Variants in KCNB2 observed in about 807,000 individuals in gnomAD.
The protein encoded by KCNB2 is potassium voltage-gated channel subfamily B member 2.
A neutral mutation model predicts 61.5 loss-of-function variants in KCNB2; 15 were observed. The ratio of observed to expected loss-of-function variants is 0.24; its 90% CI spans 0.16 to 0.38. The LOEUF (loss-of-function observed/expected upper bound fraction) is 0.38. Among genes scored for constraint, KCNB2 ranks in the 10% least tolerant of loss-of-function variants. The probability of loss-of-function intolerance (pLI) is 1.00; values close to 1 mark genes in which losing one functional copy is unlikely to be tolerated. For missense variants in KCNB2, 828 were observed against 1,125.2 expected (o/e 0.74, Z 3.78); for synonymous variants, 457 against 446.0 (o/e 1.02, Z -0.31).
chr8:72,897,464 C>T (rs1301406470), intron 2 of KCNB2, among the ~76,000 whole-genome samples: 1 of 152,056 alleles, frequency 6.6e-6, no homozygotes, highest in Non-Finnish European at 1.5e-5. Context: ...TAATTATACA[C>T]TGAATATTTC....
intron 2 of KCNB2, among the ~76,000 whole-genome samples, chr8:72,840,245 C>CT (rs1452146178): frequency 6.6e-6 from 1 of 152,078 alleles, no homozygotes; most frequent in African/African-American, 2.4e-5. Context: ...TGAACTCATC[C>CT]TTTTTTGTGG....
chr8:72,937,796 A>G lies in KCNB2; in HGVS notation c.2441A>G (p.Asp814Gly). Reference sequence around the variant, plus strand: ...GAAATAGATACTGGTGACGACGAAGACTTCTTAGAGCTCCCAGGGGCAAGG... The same window carrying G: ...GAAATAGATACTGGTGACGACGAAGGCTTCTTAGAGCTCCCAGGGGCAAGG... ...FTEIDTGDDE[D>G]FLELPGAREE... Residue 814 changes from aspartate to glycine, a missense_variant, in exon 3 of 3, where the codon GAC becomes GGC. Around this residue, in one of 4 missense-constraint regions of KCNB2, gnomAD observed 559 missense variants for 588.4 expected, o/e 0.95. Coordinates refer to ENST00000523207, the MANE Select transcript of KCNB2 (RefSeq NM_004770.3). The G allele has an allele frequency of 6.2e-7, 1 of 1,613,968 alleles. No homozygotes were observed. Among genetic ancestry groups the G allele is most frequent in the Non-Finnish European group, 8.5e-7 (1 of 1,180,002 alleles).
intron 2 of KCNB2, among the ~76,000 whole-genome samples, chr8:72,864,324 A>G (rs1482985274): frequency 3.3e-5 from 5 of 152,198 alleles, no homozygotes; most frequent in Non-Finnish European, 7.4e-5. Flanking sequence ...ATCAAGGAAA[A>G]TATCCACTAA....
chr8:72,763,288 C>T (rs1003898364), intron 2 of KCNB2, among the ~76,000 whole-genome samples: 2 of 151,298 alleles, frequency 1.3e-5, no homozygotes, highest in Non-Finnish European at 2.9e-5. Context: ...CCAACTGACA[C>T]CTAAGAAATC....
intron 2 of KCNB2, among the ~76,000 whole-genome samples, chr8:72,887,474 T>A (rs7016968): frequency 0.067 from 10,130 of 152,128 alleles, 1,107 homozygotes; most frequent in African/African-American, 0.22. Flanking sequence ...TCAGATAAAC[T>A]CTGTACGAGC....
At position 72,625,071 on chromosome 8, in the gene KCNB2, C is replaced by T. The variant is rs527329725; in HGVS notation, c.579+56758C>T. Among the ~76,000 whole-genome samples, 28 of 152,310 alleles carry T rather than the reference C, an allele frequency of 1.8e-4. No individual in the cohort carries two copies. In the South Asian group the frequency reaches 4.3e-3, roughly 24 times the overall value. On this transcript the variant is annotated intron_variant, in intron 2 of 2. Transcript: ENST00000523207. ...GACCCCAGCACCAACCAACAGACACCTTTATAGCAGCCTGGTGAGACACTA... is the reference window on the plus strand; with the variant it reads ...GACCCCAGCACCAACCAACAGACACTTTTATAGCAGCCTGGTGAGACACTA...
chr8:72,846,296 A>G (rs542947183), intron 2 of KCNB2, among the ~76,000 whole-genome samples: 34 of 152,260 alleles, frequency 2.2e-4, no homozygotes, highest in African/African-American at 8.2e-4. Flanking sequence ...ACCACTCCCA[A>G]TGAGATGAAC....
intron 2 of KCNB2, among the ~76,000 whole-genome samples, chr8:72,708,374 C>T (rs941222535): frequency 1.3e-5 from 2 of 152,132 alleles, no homozygotes; most frequent in Non-Finnish European, 2.9e-5. Context: ...GCTAAGCGCT[C>T]GTGGAGGTGA....
At chr8:72,545,779 T>C (rs1424543452) in intron 1 of KCNB2, among the ~76,000 whole-genome samples, 2 of 152,210 alleles carry the variant, frequency 1.3e-5, no homozygotes, top group East Asian at 1.9e-4. Flanking sequence ...GAGTTAGTCC[T>C]CTTGTTCCAG....
rs188951390 is a variant in KCNB2 at position 72,816,385 on chromosome 8, C to A, written c.580-119550C>A. 1.8e-4 allele frequency among the ~76,000 whole-genome samples: 27 copies of A among 152,250 alleles called. No homozygotes were observed. The South Asian group carries it at 5.4e-3, about 30-fold the overall frequency. On this transcript the variant is annotated intron_variant, in intron 2 of 2. Coordinates refer to ENST00000523207, the MANE Select transcript of KCNB2 (RefSeq NM_004770.3). ...AAGCAAGGCTGAGGGACCATCTGAA[C>A]AGATAATGAAATAACTGTGAAAGTT... is the stretch of plus-strand genomic sequence containing the variant.
intron 2 of KCNB2, among the ~76,000 whole-genome samples, chr8:72,713,880 C>T (rs539603851): frequency 7.9e-5 from 12 of 151,864 alleles, no homozygotes; most frequent in African/African-American, 2.2e-4. Context: ...GGAGGAAGTT[C>T]GAAACAATGG....
At chr8:72,837,570 A>T (rs1224981859) in intron 2 of KCNB2, among the ~76,000 whole-genome samples, 2 of 152,344 alleles carry the variant, frequency 1.3e-5, no homozygotes, top group South Asian at 2.1e-4. Flanking sequence ...TATTAATTAC[A>T]TACAGTGAAA....
At chr8:72,583,960 A>C (rs1183455271) in intron 2 of KCNB2, among the ~76,000 whole-genome samples, 1 of 150,842 alleles carries the variant, frequency 6.6e-6, no homozygotes, top group Non-Finnish European at 1.5e-5. Flanking sequence ...AAAAAAAAAA[A>C]AAAAACAAAC....
At chr8:72,627,555 T>A (rs111556497) in intron 2 of KCNB2, among the ~76,000 whole-genome samples, 9 of 152,220 alleles carry the variant, frequency 5.9e-5, no homozygotes, top group African/African-American at 2.2e-4. Flanking sequence ...GTCTTGTTTT[T>A]TTTATGCATG....
At chr8:72,723,913 T>C (rs1324461342) in intron 2 of KCNB2, among the ~76,000 whole-genome samples, 1 of 152,224 alleles carries the variant, frequency 6.6e-6, no homozygotes, top group Non-Finnish European at 1.5e-5. Flanking sequence ...GCAAGTACTC[T>C]CTATGTGTGC....
intron 2 of KCNB2, among the ~76,000 whole-genome samples, chr8:72,857,612 T>C (rs1810226655): frequency 6.7e-6 from 1 of 149,202 alleles, no homozygotes; most frequent in Non-Finnish European, 1.5e-5. Flanking sequence ...GAGATGGAGG[T>C]TGGTAGATGA....
chr8:72,905,109 G>C (rs1411965453), intron 2 of KCNB2, among the ~76,000 whole-genome samples: 5 of 152,104 alleles, frequency 3.3e-5, no homozygotes, highest in Non-Finnish European at 5.9e-5. Context: ...CTATCAAATG[G>C]TTATGACCTA....
chr8:72,770,990 C>T (rs1359389932), intron 2 of KCNB2, among the ~76,000 whole-genome samples: 1 of 152,190 alleles, frequency 6.6e-6, no homozygotes, highest in African/African-American at 2.4e-5. Flanking sequence ...GTGATAGGAA[C>T]TCAGCTACAT....
chr8:72,847,364 T>C (rs1377267502), intron 2 of KCNB2, among the ~76,000 whole-genome samples: 1 of 152,192 alleles, frequency 6.6e-6, no homozygotes, highest in Non-Finnish European at 1.5e-5. Context: ...CATCTCCACT[T>C]CAACATGGGA....
Sources: gnomAD v4.1 joint callset for allele counts (sites outside exome capture counted in the v4.1 genomes callset) on GRCh38, gnomAD v4.1.1 for gene constraint, gnomAD v4.1.1 regional missense constraint, MANE v1.5 for transcripts, NCBI Gene and HGNC (gene_info 2026-07-23, HGNC 2026-07-21) for gene names.